The following FSTL4 variants were observed in gnomAD, a reference collection of about 807,000 sequenced individuals.
FSTL4 encodes the protein follistatin like 4.
A neutral mutation model predicts 78.2 loss-of-function variants in FSTL4; 28 were observed. The observed-to-expected ratio is 0.36, with a 90% CI of 0.27 to 0.49. The LOEUF is 0.49. Ranked by LOEUF, FSTL4 falls within the 20% of genes least tolerant of loss-of-function variation. The pLI is 0.98. For missense variants in FSTL4, 922 were observed against 1,084.9 expected, an observed-to-expected ratio of 0.85 and a Z score of 2.11; for synonymous variants, 422 against 440.5, an observed-to-expected ratio of 0.96 and a Z score of 0.53.
chr5:133,713,708 G>C, the FSTL4 span, among the ~76,000 whole-genome samples: 1 of 150,766 alleles, frequency 6.6e-6, no homozygotes, highest in East Asian at 2.0e-4. Context: ...GGTGGGAGGG[G>C]ATGGGAAGTG....
In FSTL4 at chr5:133,225,423, C is replaced by T. The variant is rs1038903601; in HGVS notation, c.1178-139G>A. On this transcript the variant is annotated intron_variant, in intron 9 of 15. Coordinates refer to ENST00000265342, the MANE Select transcript of FSTL4 (RefSeq NM_015082.2). This position sits in a 1 kb window ranked among gnomAD's most constrained non-coding sequence, Gnocchi z 4.6. ...TGATTATACGCCCAGGAAGGGCTGG[C>T]ACATCTGAAATGCACTGAGGGTGAG... 1.1e-5 allele frequency: 12 copies of T among 1,049,106 alleles called. No individual in the cohort carries two copies. In the Admixed American group the frequency reaches 1.3e-4, roughly 12 times the overall value. The allele number at this position is 1,049,106 out of a possible 1,614,324, so 65.0% of individuals were successfully genotyped here.
intron 11 of FSTL4, among the ~76,000 whole-genome samples, chr5:133,221,905 T>TG (rs1561626744): frequency 0.048 from 3,072 of 64,568 alleles, 109 homozygotes; most frequent in African/African-American, 0.19. Flanking sequence ...TTTTTTTTTT[T>TG]TTTTTTTTTT....
intron 12 of FSTL4, among the ~76,000 whole-genome samples, chr5:133,217,617 G>A (rs997296397): frequency 4.6e-5 from 7 of 152,162 alleles, no homozygotes; most frequent in Admixed American, 2.0e-4. Context: ...CCAGGTTCAT[G>A]TTCTTCTATT....
intron 6 of FSTL4, among the ~76,000 whole-genome samples, chr5:133,273,554 G>A (rs918014101): frequency 6.6e-6 from 1 of 152,180 alleles, no homozygotes; most frequent in African/African-American, 2.4e-5. Context: ...TACTGAAGAA[G>A]TTGGCAGCCC....
the FSTL4 span, among the ~76,000 whole-genome samples, chr5:133,742,219 C>T: frequency 6.6e-6 from 1 of 152,172 alleles, no homozygotes; most frequent in Non-Finnish European, 1.5e-5. Context: ...AAGAAACTAG[C>T]AGGGCCGCCC....
chr5:133,313,635 G>T (rs1175348832), intron 5 of FSTL4, among the ~76,000 whole-genome samples: 3 of 152,052 alleles, frequency 2.0e-5, no homozygotes, highest in Admixed American at 1.3e-4. Flanking sequence ...TTTTGGTGTG[G>T]GGGGAGGGGG....
intron 6 of FSTL4, among the ~76,000 whole-genome samples, chr5:133,298,782 G>T (rs1561661787): frequency 6.6e-6 from 1 of 152,214 alleles, no homozygotes; most frequent in African/African-American, 2.4e-5. Context: ...ACAGCCACTT[G>T]CCAGGCCATT....
At chr5:133,668,135 G>A in the FSTL4 span, among the ~76,000 whole-genome samples, 1 of 152,182 alleles carries the variant, frequency 6.6e-6, no homozygotes, top group African/African-American at 2.4e-5. Flanking sequence ...CTCGTGTGCT[G>A]CACACAGCAT....
chr5:133,522,092 T>C (rs1758993215), intron 3 of FSTL4, among the ~76,000 whole-genome samples: 1 of 152,126 alleles, frequency 6.6e-6, no homozygotes, highest in African/African-American at 2.4e-5. Context: ...GACATATAGC[T>C]GTGGGGAAAA....
chr5:133,522,318 A>C (rs149481173), intron 3 of FSTL4, among the ~76,000 whole-genome samples: 1 of 152,112 alleles, frequency 6.6e-6, no homozygotes, highest in East Asian at 1.9e-4. Flanking sequence ...ACTCCTATTA[A>C]ATTTCCCAAG....
At chr5:133,207,745 GTGAT>G (rs139392954) in intron 14 of FSTL4, 45,700 of 151,932 alleles carry the variant, frequency 0.3, 7,173 homozygotes, top group East Asian at 0.42. Flanking sequence ...CTAGGCTCAA[GTGAT>G]TGATTCTCCT....
chr5:133,706,872 C>G, the FSTL4 span, among the ~76,000 whole-genome samples: 2 of 152,076 alleles, frequency 1.3e-5, no homozygotes, highest in Non-Finnish European at 2.9e-5. Flanking sequence ...CAGACGGGCC[C>G]CACCCAATAG....
At chr5:133,629,979 T>C in the FSTL4 span, among the ~76,000 whole-genome samples, 3 of 152,280 alleles carry the variant, frequency 2.0e-5, no homozygotes, top group Non-Finnish European at 4.4e-5. Flanking sequence ...ATAAGCTAGG[T>C]ATTGATGCAA....
chr5:133,532,626 C>T (rs1359014886), intron 3 of FSTL4, among the ~76,000 whole-genome samples: 4 of 152,284 alleles, frequency 2.6e-5, no homozygotes, highest in South Asian at 4.1e-4. Flanking sequence ...AGAACCAGGC[C>T]TTATCTACCC....
chr5:133,382,787 A>G (rs1325412051), intron 4 of FSTL4, among the ~76,000 whole-genome samples: 1 of 152,162 alleles, frequency 6.6e-6, no homozygotes, highest in Non-Finnish European at 1.5e-5. Flanking sequence ...ACTGAGAAAC[A>G]CATTATTTCA....
chr5:133,353,246 A>T (rs190188321), intron 4 of FSTL4, among the ~76,000 whole-genome samples: 2 of 152,354 alleles, frequency 1.3e-5, no homozygotes, highest in Admixed American at 1.3e-4. Context: ...CTCCGTGTTT[A>T]TGTAATTGGG....
chr5:133,635,973 G>A, the FSTL4 span, among the ~76,000 whole-genome samples: 1 of 152,162 alleles, frequency 6.6e-6, no homozygotes, highest in Non-Finnish European at 1.5e-5. Context: ...CTATAGTACA[G>A]TGTCACCTCA....
the FSTL4 span, among the ~76,000 whole-genome samples, chr5:133,766,496 AAT>A: frequency 8.5e-5 from 13 of 152,292 alleles, no homozygotes; most frequent in East Asian, 2.5e-3. Flanking sequence ...TGATTCACTG[AAT>A]TTATTGGTTG....
At chr5:133,720,670 G>A in the FSTL4 span, 1 of 153,134 alleles carries the variant, frequency 6.5e-6, no homozygotes, top group African/African-American at 2.4e-5. Flanking sequence ...AGCATCTACT[G>A]GTTCCATATT....
Sources: gnomAD v4.1 joint callset for allele counts (sites outside exome capture counted in the v4.1 genomes callset) on GRCh38, gnomAD v4.1.1 for gene constraint, Gnocchi (gnomAD v3.1) non-coding constraint, MANE v1.5 for transcripts, NCBI Gene and HGNC (gene_info 2026-07-23, HGNC 2026-07-21) for gene names.